The following MECOM variants were observed in gnomAD, a reference collection of about 807,000 sequenced individuals.
MECOM encodes the protein MDS1 and EVI1 complex locus.
A neutral mutation model predicts 116.3 loss-of-function variants in MECOM; 13 were observed. That is an observed-to-expected ratio of 0.11 (90% confidence interval 0.07 to 0.18). MECOM has a LOEUF of 0.18. MECOM is among the 10% of genes least tolerant of loss of function. The probability of loss-of-function intolerance (pLI) is 1.00; values close to 1 mark genes in which losing one functional copy is unlikely to be tolerated. For synonymous variants in MECOM, 528 were observed against 535.2 expected (o/e 0.99, Z 0.19); for missense variants, 1,299 against 1,509.0 (o/e 0.86, Z 2.31).
chr3:169,394,982 G>T (rs1734805151), intron 1 of MECOM, among the ~76,000 whole-genome samples: 1 of 152,162 alleles, frequency 6.6e-6, no homozygotes, highest in Non-Finnish European at 1.5e-5. Context: ...CTTTTTTCTA[G>T]ATGGAAAAGA....
intron 1 of MECOM, among the ~76,000 whole-genome samples, chr3:169,492,114 G>A (rs1578254080): frequency 6.6e-6 from 1 of 152,192 alleles, no homozygotes; most frequent in Admixed American, 6.5e-5. Flanking sequence ...GTTTCATGGG[G>A]TCAGTGGCAT....
chr3:169,572,389 G>A (rs1032113249), intron 1 of MECOM, among the ~76,000 whole-genome samples: 3 of 152,202 alleles, frequency 2.0e-5, no homozygotes, highest in African/African-American at 7.2e-5. Flanking sequence ...TTACACTGTT[G>A]GTGGGACTGT....
At chr3:169,534,757 A>C (rs1165391746) in intron 1 of MECOM, among the ~76,000 whole-genome samples, 1 of 152,102 alleles carries the variant, frequency 6.6e-6, no homozygotes, top group Non-Finnish European at 1.5e-5. Context: ...TATTCTCCCC[A>C]TCCCTATTTT....
intron 1 of MECOM, among the ~76,000 whole-genome samples, chr3:169,448,536 G>T (rs540383159): frequency 6.6e-6 from 1 of 152,194 alleles, no homozygotes; most frequent in African/African-American, 2.4e-5. Context: ...GTAAATTTGG[G>T]ATATTATGGC....
intron 1 of MECOM, among the ~76,000 whole-genome samples, chr3:169,543,705 A>G (rs970407478): frequency 6.6e-6 from 1 of 152,228 alleles, no homozygotes; most frequent in Non-Finnish European, 1.5e-5. Flanking sequence ...AAGTACAGAC[A>G]ACATTCTTAA....
chr3:169,650,653 GA>G (rs1472444489), intron 1 of MECOM, among the ~76,000 whole-genome samples: 1 of 152,032 alleles, frequency 6.6e-6, no homozygotes, highest in Non-Finnish European at 1.5e-5. Flanking sequence ...AAGATGCTTG[GA>G]AATCTGATCT....
chr3:169,436,428 T>G (rs1253406216), intron 1 of MECOM, among the ~76,000 whole-genome samples: 1 of 152,028 alleles, frequency 6.6e-6, no homozygotes, highest in Non-Finnish European at 1.5e-5. Context: ...TTTTGTATTT[T>G]CATTAGAGAC....
At chr3:169,473,343 G>A (rs1749847474) in intron 1 of MECOM, among the ~76,000 whole-genome samples, 2 of 152,076 alleles carry the variant, frequency 1.3e-5, no homozygotes, top group African/African-American at 4.8e-5. Flanking sequence ...CCCAGCCACT[G>A]AAAAAAGAGA....
At chr3:169,210,041 A>G (rs1038326916) in intron 2 of MECOM, among the ~76,000 whole-genome samples, 1 of 152,184 alleles carries the variant, frequency 6.6e-6, no homozygotes, top group Admixed American at 6.5e-5. Context: ...GAATGCGATC[A>G]TGTCCTTTGC....
At chr3:169,594,645 A>ACC (rs999236122) in intron 1 of MECOM, among the ~76,000 whole-genome samples, 2 of 151,546 alleles carry the variant, frequency 1.3e-5, no homozygotes, top group Non-Finnish European at 2.9e-5. Flanking sequence ...GGAAGAGGTG[A>ACC]ATGGCAGGCT....
intron 15 of MECOM, among the ~76,000 whole-genome samples, 174 bp from the exon 16 acceptor site, chr3:169,089,357 A>T: frequency 6.6e-6 from 1 of 152,164 alleles, no homozygotes; most frequent in East Asian, 1.9e-4. Context: ...CATGTCTTAA[A>T]AATATATTTC....
intron 1 of MECOM, among the ~76,000 whole-genome samples, chr3:169,646,436 CA>C (rs1326530512): frequency 1.3e-5 from 2 of 152,008 alleles, no homozygotes; most frequent in Non-Finnish European, 2.9e-5. Context: ...ACGTTGTGCA[CA>C]GGTACCCTAG....
In MECOM at chr3:169,630,156, C is replaced by T. The variant is rs533115775; in HGVS notation, c.37+33180G>A. 6.6e-4 allele frequency among the ~76,000 whole-genome samples: 101 copies of T among 152,288 alleles called. No homozygotes were observed. In the Middle Eastern group the frequency reaches 0.024, roughly 36 times the overall value. The stretch of plus-strand genomic sequence containing the variant: ...GCTCCCTGTCATGACCCCCTGCTGC[C>T]GTTACAAAGTCATTAGCATCTACTG... On this transcript the variant is annotated intron_variant, in intron 1 of 16. Transcript: ENST00000651503.
intron 1 of MECOM, among the ~76,000 whole-genome samples, chr3:169,444,240 T>C (rs1020158584): frequency 5.3e-5 from 8 of 152,158 alleles, no homozygotes; most frequent in Non-Finnish European, 1.2e-4. Context: ...TGTCACAACA[T>C]AGCCCATCCT....
At chr3:169,573,323 T>C (rs1320563465) in intron 1 of MECOM, among the ~76,000 whole-genome samples, 2 of 152,268 alleles carry the variant, frequency 1.3e-5, no homozygotes, top group Non-Finnish European at 2.9e-5. Context: ...CAAAAAATTT[T>C]GTAAATGTAC....
At chr3:169,142,465 G>A (rs1738408788) in intron 3 of MECOM, among the ~76,000 whole-genome samples, 2 of 151,852 alleles carry the variant, frequency 1.3e-5, no homozygotes, top group Admixed American at 6.6e-5. Flanking sequence ...TGTTGTTGAT[G>A]GCGACAGTAA....
intron 2 of MECOM, among the ~76,000 whole-genome samples, chr3:169,254,449 T>C (rs2149591658): frequency 6.6e-6 from 1 of 152,342 alleles, no homozygotes; most frequent in Admixed American, 6.5e-5. Context: ...AGTGAGCACC[T>C]ACTTTGTTAC....
At chr3:169,395,543 T>C (rs1031083943) in intron 1 of MECOM, among the ~76,000 whole-genome samples, 2 of 152,032 alleles carry the variant, frequency 1.3e-5, no homozygotes, top group Non-Finnish European at 2.9e-5. Context: ...ACTGATAGAT[T>C]AACAACCAAA....
chr3:169,299,224 G>A (rs1011759175), intron 2 of MECOM, among the ~76,000 whole-genome samples: 2 of 152,154 alleles, frequency 1.3e-5, no homozygotes, highest in African/African-American at 2.4e-5. Context: ...CAGGAGGCCC[G>A]TTTATTGCAG....
Sources: allele counts gnomAD v4.1 joint callset (sites outside exome capture counted in the v4.1 genomes callset), GRCh38; gene constraint gnomAD v4.1.1; transcripts MANE v1.5; gene names NCBI Gene and HGNC (gene_info 2026-07-23, HGNC 2026-07-21).